WWP2: variants seen among roughly 807,000 people sequenced by gnomAD.
WWP2 encodes the protein NEDD4-like E3 ubiquitin-protein ligase WWP2.
A neutral mutation model predicts 121.0 loss-of-function variants in WWP2; 57 were observed. The observed-to-expected ratio is 0.47, with a 90% CI of 0.38 to 0.59. The LOEUF (loss-of-function observed/expected upper bound fraction) is 0.59, where lower values mean the gene tolerates loss of function less well. Ranked by LOEUF, WWP2 falls within the 20% of genes least tolerant of loss-of-function variation. WWP2 has a pLI of 0.00. For synonymous variants in WWP2, 449 were observed against 441.3 expected (o/e 1.02, Z -0.22); for missense variants, 962 against 1,158.9 (o/e 0.83, Z 2.47).
chr16:69,767,913 C>T (rs995111352), intron 1 of WWP2, among the ~76,000 whole-genome samples: 4 of 152,212 alleles, frequency 2.6e-5, no homozygotes, highest in Non-Finnish European at 5.9e-5. Flanking sequence ...TCATGGCTCA[C>T]TGCAGCCTCA....
intron 4 of WWP2, among the ~76,000 whole-genome samples, chr16:69,813,890 A>G (rs75631340): frequency 0.046 from 7,070 of 152,258 alleles, 528 homozygotes; most frequent in African/African-American, 0.15. Flanking sequence ...ATAATCCAAT[A>G]TAGGTAAAAT....
chr16:69,876,637 T>G lies in WWP2; in HGVS notation c.703+4706T>G, dbSNP rs548550692. 4.2e-4 allele frequency among the ~76,000 whole-genome samples: 64 copies of G among 152,330 alleles called. 1 individual carries two copies. In the East Asian group the frequency reaches 0.011, roughly 27 times the overall value. ...CCTTGGCCTCCCAAAGTGCTGAGAT[T>G]ATAGGCGTGAGCCACTGTGCCCAGC... On this transcript the variant is annotated intron_variant, in intron 7 of 23. Coordinates refer to ENST00000359154, the MANE Select transcript of WWP2 (RefSeq NM_001270454.2).
rs548737716 is a variant in WWP2, at chr16:69,820,444, A to G, written c.341-19682A>G. Among the ~76,000 whole-genome samples, 65 of 112,318 alleles carry G rather than the reference A, an allele frequency of 5.8e-4. 2 individuals carry two copies. The highest frequency in any genetic ancestry group is 1.7e-3 in the African/African-American group (64 of 37,336). The allele number at this position is 112,318 out of a possible 152,430, so 73.7% of individuals were successfully genotyped here. On this transcript the variant is annotated intron_variant, in intron 4 of 23. Coordinates refer to ENST00000359154, the MANE Select transcript of WWP2 (RefSeq NM_001270454.2). Reference sequence around the variant, plus strand: ...TTTTTAGTAGAGATGGGATTTCACCATGTTGGCCAGGCTGGTCTTGAAATC... The same window carrying G: ...TTTTTAGTAGAGATGGGATTTCACCGTGTTGGCCAGGCTGGTCTTGAAATC...
chr16:69,886,695 G>T (rs1055833953), intron 7 of WWP2, among the ~76,000 whole-genome samples: 1 of 152,200 alleles, frequency 6.6e-6, no homozygotes, highest in African/African-American at 2.4e-5. Context: ...GGGAGGCAGA[G>T]GTTGCATTGA....
chr16:69,849,087 A>G (rs532289232), intron 6 of WWP2, among the ~76,000 whole-genome samples: 1 of 152,356 alleles, frequency 6.6e-6, no homozygotes, highest in African/African-American at 2.4e-5. Flanking sequence ...TGAGCTCTAA[A>G]TAGATCATCA....
At chr16:69,852,753 A>G (rs569977436) in intron 6 of WWP2, among the ~76,000 whole-genome samples, 1 of 152,294 alleles carries the variant, frequency 6.6e-6, no homozygotes, top group Admixed American at 6.5e-5. Context: ...TGTTTTGCCA[A>G]TATTTTCTCC....
At chr16:69,906,831 G>T (rs1046169663) in intron 8 of WWP2, among the ~76,000 whole-genome samples, 4 of 151,910 alleles carry the variant, frequency 2.6e-5, no homozygotes, top group Non-Finnish European at 5.9e-5. Context: ...AGTGAGCTAT[G>T]ATCACACCAC....
intron 5 of WWP2, 134 bp downstream of exon 5, chr16:69,840,397 C>A: frequency 8.4e-7 from 1 of 1,196,176 alleles, no homozygotes. Flanking sequence ...ATAGCTAGCC[C>A]GGACTCTTCT....
At chr16:69,911,567 G>T (rs1169004349) in intron 9 of WWP2, among the ~76,000 whole-genome samples, 1 of 152,162 alleles carries the variant, frequency 6.6e-6, no homozygotes, top group Non-Finnish European at 1.5e-5. Flanking sequence ...AGGTTTGGGG[G>T]AGATGCCCAC....
chr16:69,940,126 G>A lies in WWP2; in HGVS notation c.*186G>A, dbSNP rs974854315. The A allele has an allele frequency of 1.0e-5, 6 of 594,796 alleles. No individual in the cohort carries two copies. Among genetic ancestry groups the A allele is most frequent in the East Asian group, 2.8e-5 (1 of 35,458 alleles). The allele number at this position is 594,796 out of a possible 1,614,324, so 36.8% of individuals were successfully genotyped here. A position where few individuals can be genotyped will look rare whatever the true frequency, so the allele number is the denominator to read the frequency against. On this transcript the variant is annotated 3_prime_UTR_variant, in exon 24 of 24. Coordinates refer to ENST00000359154, the MANE Select transcript of WWP2 (RefSeq NM_001270454.2). ...AGGCCCTGCAGTTCCCCCGACCCGC[G>A]GATGGCAGTCTGGAATAAAGCCCCC...
rs530959430 is a variant in WWP2 at position 69,810,468 on chromosome 16, C to T, written c.340+11173C>T. ...TGAGACGGAGTTTCGCTCTGTCCCC[C>T]AGGGACATGAGGGCAGTGGCACAAT... On this transcript the variant is annotated intron_variant, in intron 4 of 23. Coordinates refer to ENST00000359154, the MANE Select transcript of WWP2 (RefSeq NM_001270454.2). 5.4e-4 allele frequency among the ~76,000 whole-genome samples: 82 copies of T among 151,884 alleles called. No individual in the cohort carries two copies. The Middle Eastern group carries it at 0.01, about 19-fold the overall frequency.
At chr16:69,825,677 G>T (rs1445011925) in intron 4 of WWP2, among the ~76,000 whole-genome samples, 1 of 150,370 alleles carries the variant, frequency 6.7e-6, no homozygotes. Context: ...CCAGGCTGAG[G>T]TGTAGTGGTG....
intron 4 of WWP2, among the ~76,000 whole-genome samples, chr16:69,811,050 C>T (rs578194172): frequency 5.3e-5 from 8 of 152,200 alleles, no homozygotes; most frequent in East Asian, 1.9e-4. Flanking sequence ...CCACCATGCC[C>T]GGCTGGAATT....
At chr16:69,777,590 C>T (rs1289008180) in intron 1 of WWP2, among the ~76,000 whole-genome samples, 3 of 151,838 alleles carry the variant, frequency 2.0e-5, no homozygotes, top group South Asian at 2.1e-4. Context: ...CATGAGCCAC[C>T]GTGCTCGGCC....
chr16:69,889,310 G>A (rs2057984413), intron 8 of WWP2, among the ~76,000 whole-genome samples: 2 of 152,192 alleles, frequency 1.3e-5, no homozygotes, highest in Admixed American at 6.5e-5. Flanking sequence ...GGACTATGAA[G>A]CGAGACCCCT....
intron 7 of WWP2, among the ~76,000 whole-genome samples, chr16:69,884,216 G>A (rs9925155): frequency 0.047 from 7,205 of 152,182 alleles, 482 homozygotes; most frequent in African/African-American, 0.16. Flanking sequence ...GCACTTTTTC[G>A]TTTAGTAGTT....
At chr16:69,899,845 A>AT (rs2058173942) in intron 8 of WWP2, among the ~76,000 whole-genome samples, 1 of 151,612 alleles carries the variant, frequency 6.6e-6, no homozygotes, top group Non-Finnish European at 1.5e-5. Context: ...AATCGATGGC[A>AT]TTTTAGATTT....
At chr16:69,809,388 T>G (rs978809975) in intron 4 of WWP2, among the ~76,000 whole-genome samples, 5 of 152,136 alleles carry the variant, frequency 3.3e-5, no homozygotes, top group Middle Eastern at 6.8e-3. Context: ...GAGACCCTGT[T>G]TCCGGATGCG....
At chr16:69,877,420 C>T (rs902660414) in intron 7 of WWP2, among the ~76,000 whole-genome samples, 1 of 152,204 alleles carries the variant, frequency 6.6e-6, no homozygotes. Flanking sequence ...AAGAGAATGT[C>T]GAGGCTGGTT....
Sources: gnomAD v4.1 joint callset for allele counts (sites outside exome capture counted in the v4.1 genomes callset) on GRCh38, gnomAD v4.1.1 for gene constraint, MANE v1.5 for transcripts, NCBI Gene and HGNC (gene_info 2026-07-23, HGNC 2026-07-21) for gene names.